The following ABCA13 variants were observed in gnomAD, a reference collection of about 807,000 sequenced individuals.
ABCA13 encodes the protein ATP binding cassette subfamily A member 13, also known as ATP-binding cassette sub-family A member 13.
A neutral mutation model predicts 478.7 loss-of-function variants in ABCA13; 476 were observed. That is an observed-to-expected ratio of 0.99 (90% CI 0.92 to 1.07). The LOEUF (loss-of-function observed/expected upper bound fraction) is 1.07, where lower values mean the gene tolerates loss of function less well. Among genes scored for constraint, ABCA13 ranks in the 50% least tolerant of loss-of-function variants. The pLI, the probability that ABCA13 is intolerant of heterozygous loss-of-function variation, is 0.00. For missense variants in ABCA13, 6,060 were observed against 5,910.6 expected, an observed-to-expected ratio of 1.03 and a Z score of -0.83; for synonymous variants, 2,252 against 2,158.9, an observed-to-expected ratio of 1.04 and a Z score of -1.20.
In ABCA13 at chr7:48,272,834, A is replaced by G; in HGVS notation, c.3168A>G (p.Glu1056=). 1 of 1,607,236 alleles carries G rather than the reference A, an allele frequency of 6.2e-7. No individual in the cohort carries two copies. The highest frequency in any genetic ancestry group is 8.5e-7 in the Non-Finnish European group (1 of 1,175,940). ...SFMSTEGQEL[E]VIHTTLTGLK... is the part of the protein sequence containing the mutation. The stretch of plus-strand genomic sequence containing the variant: ...TGTCTACAGAGGGCCAAGAACTGGA[A>G]GTGATCCACACTACTTTGACAGGCC... Residue 1056 remains glutamate (E), a synonymous_variant, in exon 17 of 62, where the codon GAA becomes GAG. Coordinates refer to ENST00000435803, the MANE Select transcript of ABCA13 (RefSeq NM_152701.5).
chr7:48,272,431 C>T lies in ABCA13; in HGVS notation c.2765C>T (p.Ala922Val). The T allele has an allele frequency of 1.2e-6, 2 of 1,613,796 alleles. No homozygotes were observed. The highest frequency in any genetic ancestry group is 1.7e-6 in the Non-Finnish European group (2 of 1,179,750). The change falls in exon 17 of 62, where the codon GCT (alanine) becomes GTT (valine). Residue 922 changes from alanine to valine, a missense_variant. Ala to Val is a moderately conservative substitution (Grantham distance 64). Around this residue, in one of 3 missense-constraint regions of ABCA13, gnomAD observed 4,423 missense variants for 4,309.1 expected, o/e 1.03. Coordinates refer to ENST00000435803, the MANE Select transcript of ABCA13 (RefSeq NM_152701.5). ...TCAGAAGCTCTGAACACAGTCTACG[C>T]TATCAGGAATGCATCTGATCTTTTC... ...QISEALNTVY[A>V]IRNASDLFSA...
chr7:48,346,621 G>A (rs895883362), intron 29 of ABCA13, among the ~76,000 whole-genome samples: 1 of 151,984 alleles, frequency 6.6e-6, no homozygotes, highest in African/African-American at 2.4e-5. Flanking sequence ...TTGGAGCCTC[G>A]CTCTCTCCTT....
intron 29 of ABCA13, 37 bp downstream of exon 29, chr7:48,338,492 C>T (rs781260181): frequency 7.9e-6 from 12 of 1,513,226 alleles, no homozygotes; most frequent in Admixed American, 2.0e-5. Context: ...GTTCTTCTGC[C>T]CATATGGCTC....
chr7:48,242,989 T>A (rs976203123), intron 10 of ABCA13: 5 of 152,252 alleles, frequency 3.3e-5, no homozygotes, highest in Admixed American at 6.5e-5. Flanking sequence ...CTCCTCCAGG[T>A]TCTTTCTGGT....
At chr7:48,263,661 A>G (rs1307028023) in intron 15 of ABCA13, among the ~76,000 whole-genome samples, 1 of 151,908 alleles carries the variant, frequency 6.6e-6, no homozygotes, top group Non-Finnish European at 1.5e-5. Context: ...GAGTGTCAAA[A>G]TTTTAAGGCA....
Position 48,587,177 on chromosome 7 carries a change from C to T in ABCA13, c.14529C>T (p.Arg4843=), listed in dbSNP as rs1196763336. 5.6e-6 allele frequency: 9 copies of T among 1,613,098 alleles called. No homozygotes were observed. The highest frequency in any genetic ancestry group is 7.6e-6 in the Non-Finnish European group (9 of 1,179,644). The change falls in exon 57 of 62, where the codon CGC becomes CGT. Residue 4843 remains arginine (R), a synonymous_variant. Coordinates refer to ENST00000435803, the MANE Select transcript of ABCA13 (RefSeq NM_152701.5). ...IPEVAGDLIR[R]LHLEAHADKP... Reference sequence around the variant, plus strand: ...AGGTTGCTGGAGACCTCATCAGGCGCTTACACCTCGAAGCCCACGCGGACA... The same window carrying T: ...AGGTTGCTGGAGACCTCATCAGGCGTTTACACCTCGAAGCCCACGCGGACA...
intron 8 of ABCA13, among the ~76,000 whole-genome samples, chr7:48,237,299 T>C (rs1790114146): frequency 1.3e-5 from 2 of 152,266 alleles, no homozygotes; most frequent in South Asian, 2.1e-4. Flanking sequence ...ACCTACATTT[T>C]AGCAGCATTC....
chr7:48,314,978 A>G (rs1802356947), intron 26 of ABCA13, among the ~76,000 whole-genome samples: 1 of 152,240 alleles, frequency 6.6e-6, no homozygotes, highest in Admixed American at 6.5e-5. Context: ...TTTGGCCCCA[A>G]TTTAAGTGAA....
chr7:48,282,600 C>T (rs1165302631), intron 19 of ABCA13, among the ~76,000 whole-genome samples: 7 of 152,164 alleles, frequency 4.6e-5, no homozygotes, highest in African/African-American at 1.7e-4. Context: ...CCCCGGACTC[C>T]CTGCCCCCTA....
At chr7:48,480,147 A>C (rs932705160) in intron 45 of ABCA13, among the ~76,000 whole-genome samples, 1 of 152,180 alleles carries the variant, frequency 6.6e-6, no homozygotes, top group African/African-American at 2.4e-5. Flanking sequence ...GAGACTCCAG[A>C]CGTCTTATCC....
intron 51 of ABCA13, among the ~76,000 whole-genome samples, chr7:48,514,751 A>G (rs1014569678): frequency 6.6e-6 from 1 of 152,118 alleles, no homozygotes; most frequent in Non-Finnish European, 1.5e-5. Flanking sequence ...GTGGTAGTTT[A>G]TTTCAGACAG....
intron 20 of ABCA13, among the ~76,000 whole-genome samples, chr7:48,293,881 C>G (rs1798939624): frequency 6.6e-6 from 1 of 152,038 alleles, no homozygotes; most frequent in African/African-American, 2.4e-5. Context: ...TGGAGTCTTT[C>G]CAGATGTTCC....
chr7:48,615,085 TG>T (rs940926574), intron 58 of ABCA13, among the ~76,000 whole-genome samples, 199 bp from the exon 59 acceptor site: 7 of 151,214 alleles, frequency 4.6e-5, no homozygotes, highest in Non-Finnish European at 1.0e-4. Flanking sequence ...ACTGATTTTT[TG>T]TTAATTGTAA....
intron 27 of ABCA13, among the ~76,000 whole-genome samples, chr7:48,334,573 G>T (rs187529865): frequency 2.8e-4 from 43 of 152,292 alleles, no homozygotes; most frequent in African/African-American, 9.9e-4. Flanking sequence ...CTGACCTCAT[G>T]AGCCACCCGC....
intron 27 of ABCA13, among the ~76,000 whole-genome samples, chr7:48,334,771 A>T (rs998754276): frequency 2.6e-5 from 4 of 152,146 alleles, no homozygotes; most frequent in Non-Finnish European, 5.9e-5. Context: ...AGACTCTCAA[A>T]CCCTCCTTAA....
intron 57 of ABCA13, among the ~76,000 whole-genome samples, chr7:48,591,258 T>A (rs1180998934): frequency 6.6e-6 from 1 of 152,040 alleles, no homozygotes; most frequent in Non-Finnish European, 1.5e-5. Context: ...TTAATTTCAG[T>A]GTATTTGTCA....
At chr7:48,200,305 C>T (rs372930704) in intron 3 of ABCA13, among the ~76,000 whole-genome samples, 3 of 152,086 alleles carry the variant, frequency 2.0e-5, no homozygotes, top group Non-Finnish European at 4.4e-5. Flanking sequence ...AGGGGGAAGT[C>T]GCAGTGAGCC....
chr7:48,495,763 G>A (rs878859776), intron 48 of ABCA13, among the ~76,000 whole-genome samples: 1 of 151,982 alleles, frequency 6.6e-6, no homozygotes, highest in African/African-American at 2.4e-5. Context: ...TACACATTTG[G>A]CATGGTCACA....
At chr7:48,454,776 A>AG (rs1266102720) in intron 42 of ABCA13, among the ~76,000 whole-genome samples, 1 of 152,020 alleles carries the variant, frequency 6.6e-6, no homozygotes, top group Non-Finnish European at 1.5e-5. Context: ...GTCCGCTCTA[A>AG]GCGCAGCGGA....
Sources: allele counts gnomAD v4.1 joint callset (sites outside exome capture counted in the v4.1 genomes callset), GRCh38; gene constraint gnomAD v4.1.1; regional missense constraint gnomAD v4.1.1; transcripts MANE v1.5; gene names NCBI Gene and HGNC (gene_info 2026-07-23, HGNC 2026-07-21).